The following LSR variants were observed in gnomAD, a reference collection of about 807,000 sequenced individuals.
The protein encoded by LSR is lipolysis stimulated lipoprotein receptor.
A neutral mutation model predicts 61.8 loss-of-function variants in LSR; 44 were observed. The ratio of observed to expected loss-of-function variants is 0.71; its 90% CI spans 0.56 to 0.91. LSR has a LOEUF of 0.91. Among genes scored for constraint, LSR ranks in the 40% least tolerant of loss-of-function variants. The pLI is 0.00. For missense variants in LSR, 911 were observed against 830.5 expected (o/e 1.10, Z -1.19); for synonymous variants, 397 against 350.6 (o/e 1.13, Z -1.48).
intron 2 of LSR, among the ~76,000 whole-genome samples, chr19:35,252,750 G>C (rs764561556): frequency 6.6e-6 from 1 of 150,424 alleles, no homozygotes; most frequent in Non-Finnish European, 1.5e-5. Flanking sequence ...ATTGGCTCAT[G>C]CCTGTAAATT....
At chr19:35,254,498 T>C (rs1488149535) in intron 2 of LSR, among the ~76,000 whole-genome samples, 1 of 152,186 alleles carries the variant, frequency 6.6e-6, no homozygotes, top group East Asian at 1.9e-4. Context: ...TGTCCTTCCA[T>C]GCTTTGGGTG....
chr19:35,249,647 G>A (rs1394601973), intron 1 of LSR, among the ~76,000 whole-genome samples: 1 of 152,178 alleles, frequency 6.6e-6, no homozygotes, highest in Non-Finnish European at 1.5e-5. Context: ...TTATACGTGC[G>A]TAAGAGTCTG....
chr19:35,265,819 T>TG (rs34275177), intron 5 of LSR, among the ~76,000 whole-genome samples: 73,968 of 151,938 alleles, frequency 0.49, 18,364 homozygotes, highest in Middle Eastern at 0.57. Context: ...GGTGACCAGG[T>TG]GGGCAGGACC....
At chr19:35,267,069 G>A (rs1384159619) in intron 8 of LSR, 40 bp from the exon 9 acceptor site, 4 of 1,529,792 alleles carry the variant, frequency 2.6e-6, no homozygotes, top group East Asian at 2.3e-5. Context: ...CCTGGACCCC[G>A]GGCTCCTCCA....
intron 2 of LSR, among the ~76,000 whole-genome samples, chr19:35,251,267 A>G (rs2065789974): frequency 1.3e-5 from 2 of 152,202 alleles, no homozygotes; most frequent in South Asian, 4.1e-4. Flanking sequence ...TGAGAGAGAC[A>G]AACACGACAC....
In LSR at chr19:35,266,818, C is replaced by A; in HGVS notation, c.1013-18C>A. On this transcript the variant is annotated intron_variant, in intron 7 of 9. Coordinates refer to ENST00000605618, the MANE Select transcript of LSR (RefSeq NM_205834.4). ...AGGATCCATCCTCCCAAACCGACCA[C>A]CACCCCCCTGTCCCTAGAAGTCCGC... 6.2e-7 allele frequency: 1 copy of A among 1,606,954 alleles called. No individual in the cohort carries two copies. The highest frequency in any genetic ancestry group is 1.1e-5 in the South Asian group (1 of 90,016).
Position 35,267,184 on chromosome 19 carries a change from T to G in LSR, c.1220T>G (p.Ile407Ser). The change falls in exon 9 of 10, where the codon ATC becomes AGC. Residue 407 changes from isoleucine to serine, a missense_variant. By Grantham distance (142) the Ile-to-Ser change is moderately radical. Transcript: ENST00000605618. ...RPSRGPALTP[I>S]RDEEWGGHSP... ...TCCCGGGGCCCTGCCCTCACCCCGA[T>G]CCGGGATGAGGAGTGGGGTGGCCAC... 6.6e-7 allele frequency: 1 copy of G among 1,523,756 alleles called. No homozygotes were observed. Among genetic ancestry groups the G allele is most frequent in the South Asian group, 1.3e-5 (1 of 75,860 alleles). 94.4% of individuals were successfully genotyped at this position (1,523,756 alleles called of 1,614,324 possible).
At chr19:35,254,341 C>T (rs2145501091) in intron 2 of LSR, among the ~76,000 whole-genome samples, 1 of 152,362 alleles carries the variant, frequency 6.6e-6, no homozygotes, top group Non-Finnish European at 1.5e-5. Context: ...GGTGATCTGC[C>T]TGCCTTGGCC....
intron 9 of LSR, 28 bp downstream of exon 9, chr19:35,267,762 A>G (rs868562126): frequency 3.7e-6 from 6 of 1,612,524 alleles, no homozygotes; most frequent in Non-Finnish European, 4.2e-6. Context: ...TGGCGTCCAG[A>G]CCGTCCCTGG....
rs1443445287 is a variant in LSR at position 35,261,965 on chromosome 19, G to A, written c.615G>A (p.Gln205=). The A allele has an allele frequency of 6.6e-7, 1 of 1,505,876 alleles. No homozygotes were observed. The highest frequency in any genetic ancestry group is 1.5e-5 in the African/African-American group (1 of 67,920). The allele number at this position is 1,505,876 out of a possible 1,614,324, so 93.3% of individuals were successfully genotyped here. ...TGGCTGAGCTCTTACCTGGTTTTCAGGCGGGGCCCATAGAAGGTACGGGGG... is the reference window on the plus strand; with the variant it reads ...TGGCTGAGCTCTTACCTGGTTTTCAAGCGGGGCCCATAGAAGGTACGGGGG... ...SGVAELLPGF[Q]AGPIEDWLFV... The change falls in exon 4 of 10, where the codon CAG becomes CAA. Residue 205 remains glutamine, a synonymous_variant. Transcript: ENST00000605618.
intron 2 of LSR, among the ~76,000 whole-genome samples, chr19:35,258,338 T>C (rs1472784822): frequency 6.6e-6 from 1 of 151,770 alleles, no homozygotes; most frequent in Non-Finnish European, 1.5e-5. Context: ...CCCAGCTACA[T>C]GGGAGGCTGA....
chr19:35,261,853 C>G, intron 3 of LSR, 72 bp from the exon 4 acceptor site: 1 of 1,108,152 alleles, frequency 9.0e-7, no homozygotes, highest in Non-Finnish European at 1.2e-6. Context: ...CAGCCTGGAG[C>G]TGGGCTTTCG....
chr19:35,267,500 T>TC lies in LSR; in HGVS notation c.1538dup (p.Ala514CysfsTer26). 1.2e-6 allele frequency: 2 copies of TC among 1,610,820 alleles called. No homozygotes were observed. Among genetic ancestry groups the TC allele is most frequent in the East Asian group, 4.5e-5 (2 of 44,844 alleles). On this transcript the variant is annotated frameshift_variant, in exon 9 of 10. Transcript: ENST00000605618. LOFTEE classifies it high-confidence loss of function. ...ACGACTTCAGGTCTCGGGAGCGCCC[T>TC]CCTGCCGACCCCAGGTCCCACCACC...
rs1292823249 is a variant in LSR, at chr19:35,259,229, CT to C, written c.574+166del. On this transcript the variant is annotated intron_variant, in intron 3 of 9. Transcript: ENST00000605618. ...CCAGTCACTTAGGCTCCCCTGTGCC[CT>C]GCACCCCAGGCAGGGACCACTGGCC... The C allele has an allele frequency of 9.6e-6, 8 of 837,270 alleles. No individual in the cohort carries two copies. The Admixed American group carries it at 2.6e-4, about 27-fold the overall frequency. 51.9% of individuals were successfully genotyped at this position (837,270 alleles called of 1,614,324 possible). A position where few individuals can be genotyped will look rare whatever the true frequency, so the allele number is the denominator to read the frequency against.
chr19:35,265,358 T>C (rs1004146922), intron 5 of LSR, among the ~76,000 whole-genome samples: 1 of 152,156 alleles, frequency 6.6e-6, no homozygotes, highest in African/African-American at 2.4e-5. Flanking sequence ...CAGGGCCCCA[T>C]TAACTCCCTG....
At chr19:35,264,663 A>G (rs1024285361) in intron 5 of LSR, 1 of 152,312 alleles carries the variant, frequency 6.6e-6, no homozygotes, top group Admixed American at 6.5e-5. Flanking sequence ...AAGCATGGGC[A>G]GGTGGAGAGC....
Position 35,249,070 on chromosome 19 carries a change from G to T in LSR, c.48G>T (p.Pro16=). Residue 16 remains proline (P), a synonymous_variant, in exon 1 of 10, where the codon CCG becomes CCT. Coordinates refer to ENST00000605618, the MANE Select transcript of LSR (RefSeq NM_205834.4). ...GGLSRGLGSH[P]AAAGRDAVVF... ...TCTCCAGAGGGCTGGGCTCCCACCC[G>T]GCCGCCGCAGGCCGGGACGCGGTCG... is the stretch of plus-strand genomic sequence containing the variant. The T allele has an allele frequency of 2.6e-6, 4 of 1,562,744 alleles. No homozygotes were observed. The highest frequency in any genetic ancestry group is 3.5e-6 in the Non-Finnish European group (4 of 1,155,462).
intron 2 of LSR, among the ~76,000 whole-genome samples, chr19:35,252,678 C>CAAGGTATA (rs2065809427): frequency 6.8e-6 from 1 of 146,070 alleles, no homozygotes; most frequent in African/African-American, 2.5e-5. Context: ...AAGACTCCGT[C>CAAGGTATA]AAGGTATAAG....
In LSR at chr19:35,266,448, C is replaced by A. The variant is rs753038064; in HGVS notation, c.868C>A (p.Pro290Thr). Residue 290 changes from proline to threonine, a missense_variant, in exon 6 of 10, where the codon CCC becomes ACC. Coordinates refer to ENST00000605618, the MANE Select transcript of LSR (RefSeq NM_205834.4). ...CCACCTGTCTCCCGCCAAGACCCCA[C>A]CCCCACCAGCTATGATTCCCATGGG... ...YAHLSPAKTPPPPAMIPMGPA... is the reference protein window; with the variant it reads ...YAHLSPAKTPTPPAMIPMGPA... The A allele has an allele frequency of 1.2e-6, 2 of 1,612,728 alleles. No individual in the cohort carries two copies. Among genetic ancestry groups the A allele is most frequent in the Non-Finnish European group, 1.7e-6 (2 of 1,179,182 alleles).
Sources: allele counts gnomAD v4.1 joint callset (sites outside exome capture counted in the v4.1 genomes callset), GRCh38; gene constraint gnomAD v4.1.1; transcripts MANE v1.5; gene names NCBI Gene and HGNC (gene_info 2026-07-23, HGNC 2026-07-21).